The following HSD17B12 variants were observed in gnomAD, a reference collection of about 807,000 sequenced individuals.
HSD17B12 encodes the protein hydroxysteroid 17-beta dehydrogenase 12.
A neutral mutation model predicts 39.3 loss-of-function variants in HSD17B12; 32 were observed. That is an observed-to-expected ratio of 0.81 (90% CI 0.61 to 1.09). HSD17B12 has a LOEUF of 1.09. HSD17B12 is among the 50% of genes least tolerant of loss of function. The pLI, the probability that HSD17B12 is intolerant of heterozygous loss-of-function variation, is 0.00. For synonymous variants in HSD17B12, 150 were observed against 146.7 expected (o/e 1.02, Z -0.16); for missense variants, 342 against 382.9 (o/e 0.89, Z 0.89).
chr11:43,853,767 C>T (rs1254703178), intron 9 of HSD17B12: 1 of 151,192 alleles, frequency 6.6e-6, no homozygotes, highest in African/African-American at 2.4e-5. Context: ...CCAGCCTAAG[C>T]AACAAGCAAA....
the HSD17B12 span, among the ~76,000 whole-genome samples, chr11:43,637,511 G>A: frequency 1.4e-3 from 207 of 152,238 alleles, 1 homozygote; most frequent in Non-Finnish European, 2.5e-3. Flanking sequence ...GTGAGCCACC[G>A]TGCCTGGCTG....
the HSD17B12 span, among the ~76,000 whole-genome samples, chr11:43,607,289 TG>T: frequency 6.6e-6 from 1 of 150,976 alleles, no homozygotes; most frequent in Non-Finnish European, 1.5e-5. Flanking sequence ...AGTGTGTGTG[TG>T]TGTGTGTGTG....
At chr11:43,637,190 C>T in the HSD17B12 span, among the ~76,000 whole-genome samples, 1 of 148,908 alleles carries the variant, frequency 6.7e-6, no homozygotes, top group Non-Finnish European at 1.5e-5. Flanking sequence ...ATGGTAGTGA[C>T]TGGATAAGTG....
intron 1 of HSD17B12, among the ~76,000 whole-genome samples, chr11:43,690,395 TA>T (rs58149481): frequency 1.3e-3 from 46 of 35,492 alleles, no homozygotes; most frequent in African/African-American, 3.9e-3. Flanking sequence ...TATATATATA[TA>T]TATATATATT....
chr11:43,738,232 G>A (rs1458430300), intron 1 of HSD17B12, among the ~76,000 whole-genome samples: 1 of 151,918 alleles, frequency 6.6e-6, no homozygotes, highest in Non-Finnish European at 1.5e-5. Flanking sequence ...TGACTTTTAA[G>A]TTCAGGGGTC....
In HSD17B12 at chr11:43,754,067, G is replaced by T. The variant is rs1439256322; in HGVS notation, c.229G>T (p.Val77Phe). 7.4e-6 allele frequency: 12 copies of T among 1,611,998 alleles called. No individual in the cohort carries two copies. The highest frequency in any genetic ancestry group is 1.0e-5 in the Non-Finnish European group (12 of 1,178,716). The stretch of plus-strand genomic sequence containing the variant: ...TCAGTTAGCAAAGCATGGAATGAAG[G>T]TTGTCCTTATCAGCAGATCAAAGGA... ...AEELAKHGMK[V>F]VLISRSKDKL... The change falls in exon 3 of 11, where the codon GTT becomes TTT. Residue 77 changes from valine (V) to phenylalanine (F), a missense_variant. Physicochemically the swap from Val to Phe is conservative, Grantham distance 50. Transcript: ENST00000278353.
Position 43,854,495 on chromosome 11 carries a change from C to T in HSD17B12, c.685-220C>T, listed in dbSNP as rs1951562554. 2.7e-5 allele frequency: 13 copies of T among 486,160 alleles called. No homozygotes were observed. The South Asian group carries it at 3.7e-4, about 14-fold the overall frequency. 30.1% of individuals were successfully genotyped at this position (486,160 alleles called of 1,614,324 possible). ...GCTTATTTTTAATACTTTCTCTGGT[C>T]TCAAACTCTGTTTTATTGAGAGATT... is the stretch of plus-strand genomic sequence containing the variant. On this transcript the variant is annotated intron_variant, in intron 9 of 10. Transcript: ENST00000278353.
At chr11:43,763,642 G>GAT (rs202189735) in intron 3 of HSD17B12, among the ~76,000 whole-genome samples, 100 of 145,514 alleles carry the variant, frequency 6.9e-4, no homozygotes, top group African/African-American at 2.1e-3. Flanking sequence ...CTACATATAA[G>GAT]ATATATATAT....
At chr11:43,724,745 T>A (rs1228007066) in intron 1 of HSD17B12, among the ~76,000 whole-genome samples, 1 of 152,054 alleles carries the variant, frequency 6.6e-6, no homozygotes, top group Non-Finnish European at 1.5e-5. Flanking sequence ...ACCTTGTGGG[T>A]TAGGGTTTCG....
the HSD17B12 span, among the ~76,000 whole-genome samples, chr11:43,652,165 C>T: frequency 6.6e-6 from 1 of 152,054 alleles, no homozygotes; most frequent in Non-Finnish European, 1.5e-5. Context: ...TATGGAAATG[C>T]AAGGGCTCTA....
At chr11:43,686,393 G>A (rs1251932065) in intron 1 of HSD17B12, among the ~76,000 whole-genome samples, 33 of 152,130 alleles carry the variant, frequency 2.2e-4, no homozygotes, top group Admixed American at 2.2e-3. Context: ...AAGTTGGCAG[G>A]GCAACTTTCA....
chr11:43,635,379 T>C, the HSD17B12 span, among the ~76,000 whole-genome samples: 110 of 152,324 alleles, frequency 7.2e-4, 4 homozygotes, highest in East Asian at 0.013. Context: ...CATAAACTAA[T>C]AGAGAATGAA....
intron 1 of HSD17B12, among the ~76,000 whole-genome samples, chr11:43,711,985 A>G (rs1202721021): frequency 1.3e-5 from 2 of 152,268 alleles, no homozygotes; most frequent in East Asian, 3.9e-4. Context: ...TTTAACCTGA[A>G]AGACTGACTC....
At chr11:43,654,523 T>G in the HSD17B12 span, among the ~76,000 whole-genome samples, 11 of 151,926 alleles carry the variant, frequency 7.2e-5, no homozygotes, top group Non-Finnish European at 1.3e-4. Context: ...GTTTTTATGG[T>G]TTTAGGTCTA....
At chr11:43,768,822 G>A (rs896834816) in intron 3 of HSD17B12, among the ~76,000 whole-genome samples, 1 of 152,162 alleles carries the variant, frequency 6.6e-6, no homozygotes, top group Admixed American at 6.5e-5. Flanking sequence ...CCCCGCCCAT[G>A]TCCTGCTGAT....
chr11:43,823,071 T>C (rs1168874462), intron 6 of HSD17B12, among the ~76,000 whole-genome samples: 5 of 152,078 alleles, frequency 3.3e-5, no homozygotes, highest in Non-Finnish European at 7.4e-5. Context: ...GGGGGGTCAG[T>C]ATAAGACTTA....
chr11:43,579,692 G>A, the HSD17B12 span, among the ~76,000 whole-genome samples: 1 of 152,132 alleles, frequency 6.6e-6, no homozygotes, highest in African/African-American at 2.4e-5. Flanking sequence ...GACGCTCGGA[G>A]GGTGTGTGCT....
At chr11:43,665,417 CT>C in the HSD17B12 span, among the ~76,000 whole-genome samples, 1 of 152,164 alleles carries the variant, frequency 6.6e-6, no homozygotes, top group Non-Finnish European at 1.5e-5. Context: ...CAGGATCCCA[CT>C]ATGTTGCCCA....
At chr11:43,663,360 A>G in the HSD17B12 span, among the ~76,000 whole-genome samples, 1 of 152,178 alleles carries the variant, frequency 6.6e-6, no homozygotes. Context: ...TCAGTCTCCC[A>G]GAGTATTGAG....
Sources: gnomAD v4.1 joint callset for allele counts (sites outside exome capture counted in the v4.1 genomes callset) on GRCh38, gnomAD v4.1.1 for gene constraint, MANE v1.5 for transcripts, NCBI Gene and HGNC (gene_info 2026-07-23, HGNC 2026-07-21) for gene names.